CCDC3: variants seen among roughly 807,000 people sequenced by gnomAD.
CCDC3 encodes the protein coiled-coil domain-containing protein 3.
Under a neutral mutation model 21.4 loss-of-function variants are expected in CCDC3, and 24 were observed. The ratio of observed to expected loss-of-function variants is 1.12; its 90% CI spans 0.81 to 1.58. The LOEUF (loss-of-function observed/expected upper bound fraction) is 1.58, where lower values mean the gene tolerates loss of function less well. CCDC3 is among the 40% of genes most tolerant of loss of function. The pLI is 0.00. For synonymous variants in CCDC3, 186 were observed against 166.0 expected (o/e 1.12, Z -0.93); for missense variants, 425 against 360.9 (o/e 1.18, Z -1.44).
At position 13,018,148 on chromosome 10, in the gene CCDC3, T is replaced by C. The variant is rs12355440; in HGVS notation, c.-1-19636A>G. On this transcript the variant is annotated intron_variant, in intron 5 of 6. Coordinates refer to the CCDC3 transcript ENST00000378839. ...CCAGAGGGCTGGGAGAGGGAATATG[T>C]GTAGATATCATAAACACAAAGCCAG... 5.9e-5 allele frequency among the ~76,000 whole-genome samples: 9 copies of C among 151,896 alleles called. 1 individual carries two copies. In the South Asian group the frequency reaches 1.3e-3, roughly 21 times the overall value.
At chr10:12,923,278 C>A (rs555145515) in intron 2 of CCDC3, among the ~76,000 whole-genome samples, 191 of 152,304 alleles carry the variant, frequency 1.3e-3, no homozygotes, top group Non-Finnish European at 2.1e-3. Context: ...TCAAAGGCAA[C>A]CAGAGGTCGC....
intron 2 of CCDC3, among the ~76,000 whole-genome samples, chr10:12,975,485 C>T (rs1251538474): frequency 6.6e-6 from 1 of 152,168 alleles, no homozygotes; most frequent in Non-Finnish European, 1.5e-5. Context: ...ACTCAACTCA[C>T]CCCTGGCTGT....
chr10:12,941,835 T>A (rs761642053), intron 2 of CCDC3, among the ~76,000 whole-genome samples: 2 of 152,194 alleles, frequency 1.3e-5, no homozygotes, highest in Non-Finnish European at 2.9e-5. Context: ...GAAAATTCCA[T>A]CTATTAAGGA....
chr10:13,056,171 T>C (rs941926836), intron 4 of CCDC3, among the ~76,000 whole-genome samples: 2 of 152,172 alleles, frequency 1.3e-5, no homozygotes, highest in African/African-American at 4.8e-5. Context: ...TGCAGGGACT[T>C]TGCTCCATGC....
chr10:13,079,341 C>T (rs1022111822), intron 3 of CCDC3, among the ~76,000 whole-genome samples: 16 of 152,154 alleles, frequency 1.1e-4, no homozygotes, highest in African/African-American at 1.7e-4. Context: ...CTCTCAGCAA[C>T]GCAGAAGGAA....
chr10:12,959,022 G>A (rs1393031789), intron 2 of CCDC3, among the ~76,000 whole-genome samples: 1 of 152,142 alleles, frequency 6.6e-6, no homozygotes, highest in African/African-American at 2.4e-5. Context: ...GCCAGAGGCT[G>A]ACAAAAATAG....
At chr10:13,003,488 C>T (rs1835890507), upstream of CCDC3, among the ~76,000 whole-genome samples, 1 of 152,150 alleles carries the variant, frequency 6.6e-6, no homozygotes, top group Non-Finnish European at 1.5e-5. Context: ...GCTCTAAAGA[C>T]ACAGGTCGGC....
intron 2 of CCDC3, among the ~76,000 whole-genome samples, chr10:12,900,820 G>A (rs1834081770): frequency 1.3e-5 from 2 of 152,108 alleles, no homozygotes; most frequent in African/African-American, 4.8e-5. Context: ...TTCCACTGAC[G>A]AGTGACCTGA....
chr10:13,007,474 T>A (rs968349946), intron 5 of CCDC3, among the ~76,000 whole-genome samples: 1 of 152,234 alleles, frequency 6.6e-6, no homozygotes, highest in Admixed American at 6.5e-5. Flanking sequence ...CCACTTTGGT[T>A]CTGCCTGGAG....
At position 13,083,442 on chromosome 10, in the gene CCDC3, T is replaced by C. The variant is rs915478188; in HGVS notation, c.-502-9342A>G. Among the ~76,000 whole-genome samples the C allele has an allele frequency of 2.6e-5, 4 of 152,358 alleles. No individual in the cohort carries two copies. The East Asian group carries it at 7.7e-4, about 29-fold the overall frequency. ...TTTTTGTTAAAGAATAAATCATAAG[T>C]GTTAGAAATAATAGTTTCTTTTAAA... is the stretch of plus-strand genomic sequence containing the variant. On this transcript the variant is annotated intron_variant, in intron 3 of 6. Transcript: ENST00000378839.
chr10:12,946,826 AATT>A (rs1201289969), intron 2 of CCDC3, among the ~76,000 whole-genome samples: 1 of 152,066 alleles, frequency 6.6e-6, no homozygotes, highest in Non-Finnish European at 1.5e-5. Flanking sequence ...CCTATTTGGG[AATT>A]ATTACCTTAT....
chr10:12,906,031 T>C (rs1009197096), intron 2 of CCDC3, among the ~76,000 whole-genome samples: 21 of 152,278 alleles, frequency 1.4e-4, no homozygotes, highest in African/African-American at 4.8e-4. Flanking sequence ...CATAAACAGG[T>C]TGGAAATGCA....
chr10:13,073,959 A>T (rs1043136711), exon 4 of CCDC3: 3 of 151,890 alleles, frequency 2.0e-5, no homozygotes, highest in African/African-American at 7.3e-5. Context: ...CAGGTACACC[A>T]TGCAGTGTAG....
chr10:12,958,057 C>T (rs1346846731), intron 2 of CCDC3, among the ~76,000 whole-genome samples: 7 of 152,066 alleles, frequency 4.6e-5, no homozygotes, highest in Non-Finnish European at 8.8e-5. Context: ...CAACTCCTGA[C>T]CTCAGGTGAT....
chr10:12,902,653 G>A (rs967649261), intron 2 of CCDC3, among the ~76,000 whole-genome samples: 17 of 152,188 alleles, frequency 1.1e-4, no homozygotes, highest in African/African-American at 3.9e-4. Context: ...GCTCGATGGC[G>A]GTGTTCAGAA....
At chr10:12,985,961 C>T (rs916406838) in intron 2 of CCDC3, among the ~76,000 whole-genome samples, 15 of 152,142 alleles carry the variant, frequency 9.9e-5, no homozygotes, top group Non-Finnish European at 1.8e-4. Context: ...CTGCAAGCTC[C>T]GCCTCCCGGG....
Position 13,001,325 on chromosome 10 carries a change from C to A in CCDC3, c.246G>T (p.Leu82=). 6.2e-7 allele frequency: 1 copy of A among 1,606,090 alleles called. No individual in the cohort carries two copies. ...GCATGCTGCCCCACGCCTGGTCGCACAGCATCTCGACCTCGGCCGAGTAGA... is the reference window on the plus strand; with the variant it reads ...GCATGCTGCCCCACGCCTGGTCGCAAAGCATCTCGACCTCGGCCGAGTAGA... ...GLFYSAEVEM[L]CDQAWGSMLE... The change falls in exon 1 of 3, where the codon CTG becomes CTT. Residue 82 remains leucine, a synonymous_variant. Coordinates refer to ENST00000378825, the MANE Select transcript of CCDC3 (RefSeq NM_031455.4).
chr10:12,975,593 C>T (rs1486519185), intron 2 of CCDC3, among the ~76,000 whole-genome samples: 1 of 152,190 alleles, frequency 6.6e-6, no homozygotes, highest in Non-Finnish European at 1.5e-5. Flanking sequence ...GCCAAGGCTG[C>T]AGCAGGGACT....
intron 5 of CCDC3, among the ~76,000 whole-genome samples, chr10:13,032,405 G>T (rs554504294): frequency 3.9e-4 from 60 of 152,270 alleles, no homozygotes; most frequent in African/African-American, 1.2e-3. Flanking sequence ...GCAAAAACTG[G>T]AAGCATTCCC....
Sources: gnomAD v4.1 joint callset for allele counts (sites outside exome capture counted in the v4.1 genomes callset) on GRCh38, gnomAD v4.1.1 for gene constraint, MANE v1.5 for transcripts, NCBI Gene and HGNC (gene_info 2026-07-23, HGNC 2026-07-21) for gene names.